BRI3BP: variants seen among roughly 807,000 people sequenced by gnomAD.
BRI3BP encodes the protein BRI3 binding protein.
A neutral mutation model predicts 15.8 loss-of-function variants in BRI3BP; 7 were observed. That is an observed-to-expected ratio of 0.44 (90% CI 0.25 to 0.83). The LOEUF (loss-of-function observed/expected upper bound fraction) is 0.83, where lower values mean the gene tolerates loss of function less well. Ranked by LOEUF, BRI3BP falls within the 40% of genes least tolerant of loss-of-function variation. BRI3BP has a pLI of 0.20. For missense variants in BRI3BP, 320 were observed against 339.3 expected, an observed-to-expected ratio of 0.94 and a Z score of 0.45; for synonymous variants, 192 against 163.5, an observed-to-expected ratio of 1.17 and a Z score of -1.33.
chr12:125,022,541 A>ATTTATTTTATTTTTTT, intron 2 of BRI3BP, among the ~76,000 whole-genome samples: 4 of 139,434 alleles, frequency 2.9e-5, no homozygotes, highest in African/African-American at 5.8e-5. Context: ...TTATTTATTT[A>ATTTATTTTATTTTTTT]TTTTTTGAGA....
At chr12:124,994,163 C>A (rs1326527901) in intron 1 of BRI3BP, among the ~76,000 whole-genome samples, 160 bp downstream of exon 1, 14 of 151,544 alleles carry the variant, frequency 9.2e-5, no homozygotes, top group African/African-American at 3.1e-4. Context: ...CGCCTGCGGC[C>A]CCCGCCGGGC....
intron 2 of BRI3BP, among the ~76,000 whole-genome samples, chr12:125,019,552 CAT>C (rs1955275511): frequency 6.6e-6 from 1 of 151,642 alleles, no homozygotes; most frequent in Non-Finnish European, 1.5e-5. Context: ...TTAATACTTC[CAT>C]ATATATTGAT....
intron 1 of BRI3BP, among the ~76,000 whole-genome samples, chr12:125,007,822 T>C (rs761786712): frequency 6.6e-6 from 1 of 152,228 alleles, no homozygotes; most frequent in Non-Finnish European, 1.5e-5. Flanking sequence ...TCGTTGTTTT[T>C]GTTGCTGTGG....
chr12:125,007,347 C>T (rs1347709915), intron 1 of BRI3BP, among the ~76,000 whole-genome samples: 5 of 151,858 alleles, frequency 3.3e-5, no homozygotes, highest in African/African-American at 9.7e-5. Flanking sequence ...GTTAGAAGTT[C>T]GAAACCAGCC....
chr12:125,014,287 C>T (rs944236240), intron 2 of BRI3BP, among the ~76,000 whole-genome samples: 1 of 152,182 alleles, frequency 6.6e-6, no homozygotes, highest in African/African-American at 2.4e-5. Context: ...CCAGCCCCAC[C>T]GCCCTGGTCC....
intron 2 of BRI3BP, among the ~76,000 whole-genome samples, chr12:125,023,964 G>T (rs1192149177): frequency 6.6e-6 from 1 of 152,162 alleles, no homozygotes; most frequent in Non-Finnish European, 1.5e-5. Context: ...CCAGCTACTT[G>T]GGAGACTGAG....
At chr12:125,013,984 C>G (rs1180127918) in intron 2 of BRI3BP, among the ~76,000 whole-genome samples, 3 of 152,186 alleles carry the variant, frequency 2.0e-5, no homozygotes, top group African/African-American at 7.2e-5. Flanking sequence ...CTCTGCCCCA[C>G]CTCCACCTGC....
rs1491116021 is a variant in BRI3BP, at chr12:125,019,634, CCT to C, written c.317-5356_317-5355del. On this transcript the variant is annotated intron_variant, in intron 2 of 2. Coordinates refer to ENST00000341446, the MANE Select transcript of BRI3BP (RefSeq NM_080626.6). ...AATATCTTATTAACATTAATTCCAC[CCT>C]TTTTTTTTTTTTTTTTTTTTTGCCT... 1.5e-4 allele frequency among the ~76,000 whole-genome samples: 7 copies of C among 45,536 alleles called. 1 individual carries two copies. The highest frequency in any genetic ancestry group is 2.3e-4 in the African/African-American group (4 of 17,208). The allele number at this position is 45,536 out of a possible 152,430, so 29.9% of individuals were successfully genotyped here. A position where few individuals can be genotyped will look rare whatever the true frequency, so the allele number is the denominator to read the frequency against.
Position 125,028,509 on chromosome 12 carries a change from C to T in BRI3BP, c.*3079C>T, listed in dbSNP as rs938292502. 6 of 151,602 alleles carry T rather than the reference C, an allele frequency of 4.0e-5. No homozygotes were observed. The highest frequency in any genetic ancestry group is 5.9e-5 in the Non-Finnish European group (4 of 67,854). The allele number at this position is 151,602 out of a possible 1,614,324, so 9.4% of individuals were successfully genotyped here. On this transcript the variant is annotated 3_prime_UTR_variant, in exon 3 of 3. Coordinates refer to ENST00000341446, the MANE Select transcript of BRI3BP (RefSeq NM_080626.6). ...GAAAATATGCACTATTTTTTTTTTC[C>T]ACTCTGGCTAAGTGTAGGCTCTGAA...
chr12:125,004,476 C>G (rs981276477), intron 1 of BRI3BP, among the ~76,000 whole-genome samples: 1 of 151,988 alleles, frequency 6.6e-6, no homozygotes, highest in Non-Finnish European at 1.5e-5. Flanking sequence ...GGCCCTAAGC[C>G]TTTTTTAAAA....
Position 125,025,563 on chromosome 12 carries a change from A to G in BRI3BP, c.*133A>G, listed in dbSNP as rs150800149. On this transcript the variant is annotated 3_prime_UTR_variant, in exon 3 of 3. Transcript: ENST00000341446. Reference sequence around the variant, plus strand: ...CAAGAAAGTGGCGCTGTGTAGGGCTATTTCCACCCACCCGGCAGCTCTTAG... The same window carrying G: ...CAAGAAAGTGGCGCTGTGTAGGGCTGTTTCCACCCACCCGGCAGCTCTTAG... 2,788 of 893,916 alleles carry G rather than the reference A, an allele frequency of 3.1e-3. 12 individuals are homozygous for G. The highest frequency in any genetic ancestry group is 3.7e-3 in the Non-Finnish European group (2,256 of 611,852). The allele number at this position is 893,916 out of a possible 1,614,324, so 55.4% of individuals were successfully genotyped here. A position where few individuals can be genotyped will look rare whatever the true frequency, so the allele number is the denominator to read the frequency against.
intron 1 of BRI3BP, among the ~76,000 whole-genome samples, chr12:125,008,450 C>G (rs1359520647): frequency 6.6e-6 from 1 of 151,872 alleles, no homozygotes; most frequent in Non-Finnish European, 1.5e-5. Context: ...GTAGCTGGGA[C>G]TACAGGCGCC....
chr12:125,036,271 G>A, the BRI3BP span, among the ~76,000 whole-genome samples: 3 of 151,490 alleles, frequency 2.0e-5, no homozygotes, highest in African/African-American at 7.3e-5. Flanking sequence ...TCACCATGTT[G>A]GTCAGACTGG....
intron 2 of BRI3BP, among the ~76,000 whole-genome samples, chr12:125,018,554 C>T (rs546557460): frequency 1.6e-4 from 25 of 152,216 alleles, no homozygotes; most frequent in African/African-American, 5.5e-4. Context: ...ACCAGCAATC[C>T]GCAGACACTA....
At chr12:125,017,144 C>T (rs983466468) in intron 2 of BRI3BP, among the ~76,000 whole-genome samples, 1 of 151,806 alleles carries the variant, frequency 6.6e-6, no homozygotes, top group African/African-American at 2.4e-5. Flanking sequence ...CTCAGTCTCC[C>T]GAGTAGCTGG....
chr12:125,008,085 T>C (rs1955160753), intron 1 of BRI3BP, among the ~76,000 whole-genome samples: 1 of 149,282 alleles, frequency 6.7e-6, no homozygotes, highest in South Asian at 2.2e-4. Flanking sequence ...AGAGTCTGCA[T>C]TTCTGGCAAG....
chr12:125,050,127 C>T, the BRI3BP span, among the ~76,000 whole-genome samples: 1 of 152,048 alleles, frequency 6.6e-6, no homozygotes, highest in Admixed American at 6.6e-5. Flanking sequence ...CTGAGCCGGG[C>T]GGATCACGAG....
At chr12:125,004,482 T>TA (rs1376358934) in intron 1 of BRI3BP, among the ~76,000 whole-genome samples, 12 of 152,012 alleles carry the variant, frequency 7.9e-5, no homozygotes, top group Admixed American at 1.3e-4. Flanking sequence ...AAGCCTTTTT[T>TA]AAAAAAAAAT....
At chr12:125,004,671 G>A (rs1955127201) in intron 1 of BRI3BP, among the ~76,000 whole-genome samples, 1 of 152,034 alleles carries the variant, frequency 6.6e-6, no homozygotes, top group Non-Finnish European at 1.5e-5. Flanking sequence ...ATTATTCGCT[G>A]AAGTCTGTAC....
Sources: allele counts gnomAD v4.1 joint callset (sites outside exome capture counted in the v4.1 genomes callset), GRCh38; gene constraint gnomAD v4.1.1; transcripts MANE v1.5; gene names NCBI Gene and HGNC (gene_info 2026-07-23, HGNC 2026-07-21).